PCDH15: variants seen among roughly 807,000 people sequenced by gnomAD.
PCDH15 encodes protocadherin related 15.
PCDH15 carries 129 observed loss-of-function variants against 178.5 expected under a neutral mutation model. That is an observed-to-expected ratio of 0.72 (90% CI 0.63 to 0.84). The LOEUF (loss-of-function observed/expected upper bound fraction) is 0.84, where lower values mean the gene tolerates loss of function less well. Ranked by LOEUF, PCDH15 falls within the 40% of genes least tolerant of loss-of-function variation. PCDH15 has a pLI of 0.00. For synonymous variants in PCDH15, 800 were observed against 732.0 expected, an observed-to-expected ratio of 1.09 and a Z score of -1.50; for missense variants, 2,230 against 2,099.9, an observed-to-expected ratio of 1.06 and a Z score of -1.21.
chr10:54,648,112 T>C (rs904741963), intron 2 of PCDH15, among the ~76,000 whole-genome samples: 1 of 152,118 alleles, frequency 6.6e-6, no homozygotes, highest in Non-Finnish European at 1.5e-5. Context: ...TGTCAAACTA[T>C]ATTTATTACA....
intron 3 of PCDH15, among the ~76,000 whole-genome samples, chr10:54,478,312 G>A (rs999045576): frequency 6.6e-6 from 1 of 152,086 alleles, no homozygotes; most frequent in African/African-American, 2.4e-5. Flanking sequence ...CAGGTTTACA[G>A]AGAAAAAGTT....
At chr10:54,690,178 T>C (rs1473443965) in intron 1 of PCDH15, among the ~76,000 whole-genome samples, 3 of 152,176 alleles carry the variant, frequency 2.0e-5, no homozygotes, top group Non-Finnish European at 4.4e-5. Context: ...CTCATGTGTT[T>C]GTGGTAATGC....
chr10:55,476,225 C>T (rs960530440), intron 2 of PCDH15, among the ~76,000 whole-genome samples: 1 of 151,778 alleles, frequency 6.6e-6, no homozygotes, highest in African/African-American at 2.4e-5. Flanking sequence ...CAGAGGGCCC[C>T]GGGCACTTTC....
chr10:55,189,127 G>A (rs369066866), intron 1 of PCDH15, among the ~76,000 whole-genome samples: 1 of 151,752 alleles, frequency 6.6e-6, no homozygotes. Flanking sequence ...TACACAAGGA[G>A]CATGGATGAG....
At position 54,655,407 on chromosome 10, in the gene PCDH15, T is replaced by G. The variant is rs2135292215; in HGVS notation, c.91+8765A>C. 2.7e-5 allele frequency: 4 copies of G among 148,496 alleles called. No homozygotes were observed. The Middle Eastern group carries it at 0.01, about 381-fold the overall frequency. 9.2% of individuals were successfully genotyped at this position (148,496 alleles called of 1,614,324 possible). On this transcript the variant is annotated intron_variant, in intron 2 of 37. Transcript: ENST00000644397. ...TTACCTCAGAAATAACATCCTTGGGTAAGGGGTGTGTGTGTGGTGGGGTGT... is the reference window on the plus strand; with the variant it reads ...TTACCTCAGAAATAACATCCTTGGGGAAGGGGTGTGTGTGTGGTGGGGTGT...
At position 54,465,336 on chromosome 10, in the gene PCDH15, T is replaced by C. The variant is rs79532860; in HGVS notation, c.157+62476A>G. The stretch of plus-strand genomic sequence containing the variant: ...GTAACTAAAGTTTACTCTCAATCAC[T>C]GGAAATTATTCTTTCTGTTTAAATG... On this transcript the variant is annotated intron_variant, in intron 3 of 37. Transcript: ENST00000644397. 3.0e-4 allele frequency among the ~76,000 whole-genome samples: 45 copies of C among 152,194 alleles called. 1 individual carries two copies. The East Asian group carries it at 7.9e-3, about 27-fold the overall frequency.
intron 5 of PCDH15, among the ~76,000 whole-genome samples, chr10:54,366,207 A>C (rs894405251): frequency 6.6e-6 from 1 of 152,060 alleles, no homozygotes; most frequent in Non-Finnish European, 1.5e-5. Context: ...TTAATTTTGG[A>C]AGCTTCTTTT....
At chr10:54,593,995 G>A (rs533717259) in intron 2 of PCDH15, among the ~76,000 whole-genome samples, 1 of 151,984 alleles carries the variant, frequency 6.6e-6, no homozygotes, top group Non-Finnish European at 1.5e-5. Flanking sequence ...CAGATAGAGA[G>A]AAGATACAGA....
intron 2 of PCDH15, among the ~76,000 whole-genome samples, chr10:55,603,358 G>C (rs1843131589): frequency 6.7e-6 from 1 of 150,298 alleles, no homozygotes; most frequent in Admixed American, 6.6e-5. Context: ...AATCTAGCAA[G>C]GCAGGCCAAC....
intron 1 of PCDH15, among the ~76,000 whole-genome samples, chr10:55,228,377 G>A (rs1841114322): frequency 6.6e-6 from 1 of 151,838 alleles, no homozygotes; most frequent in African/African-American, 2.4e-5. Flanking sequence ...TGTGAGCTAG[G>A]AACCAGTATA....
chr10:54,754,948 T>TCCC (rs1322348399), intron 1 of PCDH15, among the ~76,000 whole-genome samples: 3 of 90,558 alleles, frequency 3.3e-5, no homozygotes, highest in Non-Finnish European at 5.1e-5. Flanking sequence ...CTTTCTTTTT[T>TCCC]TTTTTTTTTT....
chr10:55,594,824 G>C (rs1842908522), intron 2 of PCDH15, among the ~76,000 whole-genome samples: 1 of 152,022 alleles, frequency 6.6e-6, no homozygotes, highest in Non-Finnish European at 1.5e-5. Context: ...CTCTACCAGT[G>C]TCACTGGACT....
intron 2 of PCDH15, among the ~76,000 whole-genome samples, chr10:55,099,163 A>G (rs1201933294): frequency 6.6e-6 from 1 of 152,034 alleles, no homozygotes; most frequent in Non-Finnish European, 1.5e-5. Flanking sequence ...TCTGGCCTCT[A>G]GGGGTTCTCC....
chr10:55,600,129 C>T (rs1005782796), intron 2 of PCDH15: 2 of 348,734 alleles, frequency 5.7e-6, no homozygotes, highest in Non-Finnish European at 1.0e-5. Context: ...CTTTGGGAGG[C>T]CGAGGTGGGT....
chr10:54,807,364 G>A (rs1952795623), intron 3 of PCDH15, among the ~76,000 whole-genome samples: 1 of 151,980 alleles, frequency 6.6e-6, no homozygotes, highest in African/African-American at 2.4e-5. Context: ...TGACATATTT[G>A]GAACTGGAAT....
At chr10:53,893,468 G>A (rs1440562912) in intron 26 of PCDH15, among the ~76,000 whole-genome samples, 1 of 152,140 alleles carries the variant, frequency 6.6e-6, no homozygotes, top group Non-Finnish European at 1.5e-5. Context: ...ATTTTAAGAA[G>A]TCATTATATG....
intron 2 of PCDH15, among the ~76,000 whole-genome samples, chr10:55,096,094 A>C (rs1309301297): frequency 2.0e-5 from 3 of 152,134 alleles, no homozygotes; most frequent in Non-Finnish European, 4.4e-5. Flanking sequence ...AACAAAAACA[A>C]AAACAAATAC....
At chr10:55,269,821 A>T (rs543287841) in intron 1 of PCDH15, among the ~76,000 whole-genome samples, 1 of 152,302 alleles carries the variant, frequency 6.6e-6, no homozygotes, top group African/African-American at 2.4e-5. Flanking sequence ...CCAAATAGAC[A>T]AAGCAATCCT....
chr10:54,003,357 C>T (rs890114123), intron 20 of PCDH15, among the ~76,000 whole-genome samples: 3 of 151,442 alleles, frequency 2.0e-5, no homozygotes, highest in African/African-American at 7.3e-5. Flanking sequence ...ATTGACAAAC[C>T]TTTAGCCAGA....
Sources: allele counts gnomAD v4.1 joint callset (sites outside exome capture counted in the v4.1 genomes callset), GRCh38; gene constraint gnomAD v4.1.1; transcripts MANE v1.5; gene names NCBI Gene and HGNC (gene_info 2026-07-23, HGNC 2026-07-21).